Variants in RERG observed in about 807,000 individuals in gnomAD.
The protein encoded by RERG is RAS like estrogen regulated growth inhibitor, also known as ras-related and estrogen-regulated growth inhibitor.
In RERG, 25 loss-of-function variants were observed where a neutral mutation model predicts 23.2. The observed-to-expected ratio is 1.08, with a 90% CI of 0.79 to 1.50. The LOEUF is 1.50. Among genes scored for constraint, RERG ranks in the 40% most tolerant of loss-of-function variants. The probability of loss-of-function intolerance (pLI) is 0.00; values close to 1 mark genes in which losing one functional copy is unlikely to be tolerated. For missense variants in RERG, 253 were observed against 250.1 expected (o/e 1.01, Z -0.08); for synonymous variants, 81 against 89.1 (o/e 0.91, Z 0.51).
intron 2 of RERG, among the ~76,000 whole-genome samples, chr12:15,156,467 G>GT (rs1490586055): frequency 6.6e-6 from 1 of 152,096 alleles, no homozygotes; most frequent in African/African-American, 2.4e-5. Flanking sequence ...TCATGCAATT[G>GT]TATGATAATT....
At chr12:15,182,057 C>CT (rs71042236) in intron 2 of RERG, among the ~76,000 whole-genome samples, 27,817 of 138,068 alleles carry the variant, frequency 0.2, 2,845 homozygotes, top group South Asian at 0.25. Flanking sequence ...TAACTTTTAA[C>CT]TTTTTTTTTT....
rs1365699372 is a variant in RERG at position 15,108,630 on chromosome 12, GA to G, written c.*479del. 1.3e-5 allele frequency: 2 copies of G among 152,760 alleles called. No individual in the cohort carries two copies. Among genetic ancestry groups the G allele is most frequent in the African/African-American group, 4.8e-5 (2 of 41,436 alleles). The allele number at this position is 152,760 out of a possible 1,614,324, so 9.5% of individuals were successfully genotyped here. A position where few individuals can be genotyped will look rare whatever the true frequency, so the allele number is the denominator to read the frequency against. On this transcript the variant is annotated 3_prime_UTR_variant, in exon 5 of 5. Transcript: ENST00000256953. ...AACCTAGATGATATTAGATAATTCA[GA>G]AAATCCTCACTTCAAACAGAAACTA...
chr12:15,205,029 G>C (rs908597034), intron 2 of RERG, among the ~76,000 whole-genome samples: 2 of 151,778 alleles, frequency 1.3e-5, no homozygotes, highest in African/African-American at 4.8e-5. Context: ...CATCATTGAG[G>C]GGAATTAGGT....
chr12:15,124,574 A>AT (rs559675001), intron 2 of RERG, among the ~76,000 whole-genome samples: 1 of 151,920 alleles, frequency 6.6e-6, no homozygotes, highest in Non-Finnish European at 1.5e-5. Flanking sequence ...ATATAATGCA[A>AT]TTTTTTTCTA....
intron 2 of RERG, among the ~76,000 whole-genome samples, chr12:15,181,765 C>T (rs1045351772): frequency 2.0e-4 from 30 of 152,154 alleles, no homozygotes; most frequent in African/African-American, 6.7e-4. Context: ...GGGGTGGTTA[C>T]GTTTATATTG....
intron 2 of RERG, chr12:15,137,934 T>A (rs1232796262): frequency 2.4e-6 from 1 of 415,286 alleles, no homozygotes; most frequent in Non-Finnish European, 4.8e-6. Context: ...TATCATTTTT[T>A]TTTCAAGGCA....
chr12:15,121,771 C>T (rs1400015109), intron 2 of RERG, among the ~76,000 whole-genome samples: 2 of 152,126 alleles, frequency 1.3e-5, no homozygotes, highest in African/African-American at 2.4e-5. Flanking sequence ...GAAACTGAGG[C>T]ACTGTGGGGT....
intron 2 of RERG, among the ~76,000 whole-genome samples, chr12:15,183,287 C>A (rs1864949393): frequency 6.6e-6 from 1 of 152,042 alleles, no homozygotes; most frequent in South Asian, 2.1e-4. Flanking sequence ...CAACACAAAT[C>A]TCTGAGATAC....
chr12:15,136,050 T>C (rs1020505815), intron 2 of RERG, among the ~76,000 whole-genome samples: 2 of 152,112 alleles, frequency 1.3e-5, no homozygotes, highest in Non-Finnish European at 2.9e-5. Context: ...TGGGAGGTTA[T>C]TGATTATTGA....
At position 15,109,216 on chromosome 12, in the gene RERG, C is replaced by A; in HGVS notation, c.494G>T (p.Arg165Leu). ...NITEIFYELC[R>L]EVRRRRMVQG... ...CACCATCCTCCGGCGACGCACCTCT[C>A]GACACAATTCATAGAATATCTCTGT... is the stretch of plus-strand genomic sequence containing the variant. The change falls in exon 5 of 5, where the codon CGA becomes CTA. Residue 165 changes from arginine (R) to leucine (L), a missense_variant. Transcript: ENST00000256953. The A allele has an allele frequency of 6.2e-7, 1 of 1,614,018 alleles. No individual in the cohort carries two copies. The highest frequency in any genetic ancestry group is 1.3e-5 in the African/African-American group (1 of 74,976).
chr12:15,163,716 A>G (rs1864646655), intron 2 of RERG, among the ~76,000 whole-genome samples: 2 of 152,330 alleles, frequency 1.3e-5, no homozygotes, highest in Admixed American at 1.3e-4. Flanking sequence ...GTGATGAAAC[A>G]ACAGGAGGAA....
At chr12:15,217,124 T>C (rs1050424458) in intron 2 of RERG, 4 of 276,682 alleles carry the variant, frequency 1.4e-5, no homozygotes, top group Admixed American at 5.0e-5. Flanking sequence ...AGAACAAATA[T>C]ATATTTTTTA....
chr12:15,142,648 T>C (rs766581619), intron 2 of RERG, among the ~76,000 whole-genome samples: 8 of 152,176 alleles, frequency 5.3e-5, no homozygotes, highest in Non-Finnish European at 1.0e-4. Flanking sequence ...TTTTGATTTT[T>C]CTAGCATTTA....
At chr12:15,168,378 C>T (rs982017709) in intron 2 of RERG, among the ~76,000 whole-genome samples, 1 of 152,164 alleles carries the variant, frequency 6.6e-6, no homozygotes, top group Admixed American at 6.5e-5. Flanking sequence ...TTACTGGTTC[C>T]AGGACCTTGA....
At chr12:15,186,701 C>T (rs977125672) in intron 2 of RERG, among the ~76,000 whole-genome samples, 3 of 152,122 alleles carry the variant, frequency 2.0e-5, no homozygotes, top group African/African-American at 7.2e-5. Context: ...GGATAAATGA[C>T]AAAGAACAGG....
At chr12:15,133,475 G>T (rs1251529230) in intron 2 of RERG, among the ~76,000 whole-genome samples, 2 of 151,888 alleles carry the variant, frequency 1.3e-5, no homozygotes, top group African/African-American at 2.4e-5. Flanking sequence ...ACCACAGTTT[G>T]TTTATCCATT....
chr12:15,204,612 C>T (rs2136143382), intron 2 of RERG, among the ~76,000 whole-genome samples: 1 of 151,606 alleles, frequency 6.6e-6, no homozygotes, highest in East Asian at 1.9e-4. Flanking sequence ...CACTTCTTAC[C>T]ATAAAAATCC....
intron 2 of RERG, among the ~76,000 whole-genome samples, chr12:15,144,031 T>A (rs1864287113): frequency 1.3e-5 from 2 of 151,440 alleles, no homozygotes; most frequent in African/African-American, 4.9e-5. Context: ...GAGCACAAAG[T>A]AGGGCAAGTG....
In RERG at chr12:15,204,309, A is replaced by G. The variant is rs188511527; in HGVS notation, c.61+13120T>C. Reference sequence around the variant, plus strand: ...TTCAACAAAGGCACTAAGAATACACATTATAAAAAGGATAGTCTCTGCAAC... The same window carrying G: ...TTCAACAAAGGCACTAAGAATACACGTTATAAAAAGGATAGTCTCTGCAAC... On this transcript the variant is annotated intron_variant, in intron 2 of 4. Coordinates refer to ENST00000256953, the MANE Select transcript of RERG (RefSeq NM_032918.3). 3.0e-3 allele frequency among the ~76,000 whole-genome samples: 456 copies of G among 151,972 alleles called. 2 individuals are homozygous for G. The highest frequency in any genetic ancestry group is 0.011 in the African/African-American group (442 of 41,534).
Sources: allele counts gnomAD v4.1 joint callset (sites outside exome capture counted in the v4.1 genomes callset), GRCh38; gene constraint gnomAD v4.1.1; transcripts MANE v1.5; gene names NCBI Gene and HGNC (gene_info 2026-07-23, HGNC 2026-07-21).